Variants in CALN1 observed in about 807,000 individuals in gnomAD.
The protein encoded by CALN1 is calneuron 1, also known as calcium-binding protein 8.
Under a neutral mutation model 30.6 loss-of-function variants are expected in CALN1, and 17 were observed. The ratio of observed to expected loss-of-function variants is 0.56; its 90% CI spans 0.38 to 0.83. The LOEUF is 0.83. Ranked by LOEUF, CALN1 falls within the 40% of genes least tolerant of loss-of-function variation. CALN1 has a pLI of 0.00. For missense variants in CALN1, 291 were observed against 354.9 expected (o/e 0.82, Z 1.45); for synonymous variants, 156 against 131.4 (o/e 1.19, Z -1.28).
chr7:72,331,089 C>T (rs1278098812), intron 2 of CALN1, among the ~76,000 whole-genome samples: 3 of 152,288 alleles, frequency 2.0e-5, no homozygotes, highest in Admixed American at 6.5e-5. Flanking sequence ...GTGGCTCATA[C>T]CTGTAATCCC....
chr7:72,281,529 A>G (rs1489920502), intron 2 of CALN1, among the ~76,000 whole-genome samples: 1 of 152,090 alleles, frequency 6.6e-6, no homozygotes, highest in East Asian at 1.9e-4. Context: ...ACCTGCTCTG[A>G]TATTATCTAA....
At chr7:72,398,749 A>G (rs759103487) in intron 2 of CALN1, among the ~76,000 whole-genome samples, 27 of 152,240 alleles carry the variant, frequency 1.8e-4, no homozygotes, top group Non-Finnish European at 2.9e-5. Context: ...ATTATCCCAA[A>G]TACATACGCA....
chr7:72,098,005 C>T (rs534075221), intron 4 of CALN1, among the ~76,000 whole-genome samples: 2 of 152,298 alleles, frequency 1.3e-5, no homozygotes, highest in African/African-American at 4.8e-5. Flanking sequence ...TGAGCCACCA[C>T]GCCCGGCCTT....
At chr7:71,949,855 G>A (rs1584587523) in intron 5 of CALN1, among the ~76,000 whole-genome samples, 2 of 150,886 alleles carry the variant, frequency 1.3e-5, no homozygotes, top group South Asian at 2.1e-4. Flanking sequence ...TCCGCCTCCC[G>A]GGTTCACGCC....
At chr7:72,429,664 T>A (rs1214615567) in intron 1 of CALN1, among the ~76,000 whole-genome samples, 1 of 150,528 alleles carries the variant, frequency 6.6e-6, no homozygotes, top group Non-Finnish European at 1.5e-5. Context: ...CTTCATGATT[T>A]AACTCCCTTA....
At chr7:72,033,829 G>A (rs1562995162) in intron 4 of CALN1, among the ~76,000 whole-genome samples, 1 of 152,186 alleles carries the variant, frequency 6.6e-6, no homozygotes, top group African/African-American at 2.4e-5. Flanking sequence ...AGATCAATCT[G>A]GGGACAGTAT....
At chr7:72,205,225 TAG>T (rs962625028) in intron 3 of CALN1, among the ~76,000 whole-genome samples, 2 of 151,874 alleles carry the variant, frequency 1.3e-5, no homozygotes, top group African/African-American at 2.4e-5. Context: ...GTTTTTGAGA[TAG>T]AGTCTTGCTC....
At chr7:71,887,039 G>C (rs996750972) in intron 5 of CALN1, among the ~76,000 whole-genome samples, 1 of 152,142 alleles carries the variant, frequency 6.6e-6, no homozygotes, top group Non-Finnish European at 1.5e-5. Context: ...TTTGCTAAGG[G>C]AAAATTCTGA....
intron 2 of CALN1, among the ~76,000 whole-genome samples, chr7:72,310,472 A>T (rs1267197402): frequency 6.6e-6 from 1 of 151,490 alleles, no homozygotes. Context: ...GAACAAAAGG[A>T]ATCTTGGCTT....
At chr7:72,186,184 A>C (rs1289969136) in intron 3 of CALN1, among the ~76,000 whole-genome samples, 1 of 152,212 alleles carries the variant, frequency 6.6e-6, no homozygotes, top group Non-Finnish European at 1.5e-5. Flanking sequence ...GAAGGAATGC[A>C]GCCCTGCTGC....
intron 2 of CALN1, among the ~76,000 whole-genome samples, chr7:72,383,816 T>C (rs1388979148): frequency 6.6e-6 from 1 of 152,222 alleles, no homozygotes; most frequent in Non-Finnish European, 1.5e-5. Context: ...CATAGATGAG[T>C]TGGCCCTGTT....
chr7:72,023,619 C>G lies in CALN1; in HGVS notation c.501+38G>C, dbSNP rs781014892. 92 of 1,482,996 alleles carry G rather than the reference C, an allele frequency of 6.2e-5. 1 individual carries two copies. Among genetic ancestry groups the G allele is most frequent in the Middle Eastern group, 3.4e-4 (2 of 5,808 alleles). The allele number at this position is 1,482,996 out of a possible 1,614,324, so 91.9% of individuals were successfully genotyped here. A position where few individuals can be genotyped will look rare whatever the true frequency, so the allele number is the denominator to read the frequency against. The stretch of plus-strand genomic sequence containing the variant: ...CAAAAGTTAGTCTCAGACACATTTA[C>G]TGTCAAACTTAGTCTGAAAAAAAAT... On this transcript the variant is annotated intron_variant, in intron 5 of 6. Coordinates refer to ENST00000395275, the MANE Select transcript of CALN1 (RefSeq NM_031468.4).
chr7:72,485,180 A>G, the CALN1 span, among the ~76,000 whole-genome samples: 1 of 152,204 alleles, frequency 6.6e-6, no homozygotes, highest in Non-Finnish European at 1.5e-5. Context: ...GGTTGAGCCC[A>G]GGAGATTAAG....
chr7:72,394,354 T>C (rs992882736), intron 2 of CALN1, among the ~76,000 whole-genome samples: 4 of 152,180 alleles, frequency 2.6e-5, no homozygotes, highest in African/African-American at 9.7e-5. Context: ...GACCCAGATG[T>C]TTCACTTCTA....
At chr7:72,144,232 T>A (rs1441924556) in intron 3 of CALN1, among the ~76,000 whole-genome samples, 2 of 151,980 alleles carry the variant, frequency 1.3e-5, no homozygotes, top group Non-Finnish European at 2.9e-5. Flanking sequence ...AGGAAACCCA[T>A]CTCATGTGCA....
intron 5 of CALN1, among the ~76,000 whole-genome samples, chr7:71,936,701 C>A (rs1795852572): frequency 6.6e-6 from 1 of 152,090 alleles, no homozygotes; most frequent in Non-Finnish European, 1.5e-5. Context: ...TCAATTTGAT[C>A]CCCACTTCCA....
chr7:71,994,511 C>CAAAAAAAAAAAAAAAAAA (rs367725464), intron 5 of CALN1, among the ~76,000 whole-genome samples: 5 of 44,012 alleles, frequency 1.1e-4, no homozygotes, highest in African/African-American at 3.4e-4. Context: ...GACTTCATCT[C>CAAAAAAAAAAAAAAAAAA]AAAAAAAAAA....
At chr7:71,788,374 G>C (rs555111195) in intron 6 of CALN1, among the ~76,000 whole-genome samples, 2 of 152,046 alleles carry the variant, frequency 1.3e-5, no homozygotes, top group African/African-American at 4.8e-5. Context: ...ACGTTTTCTT[G>C]GGTTTTGCTA....
the CALN1 span, among the ~76,000 whole-genome samples, chr7:72,487,051 T>C: frequency 2.0e-5 from 3 of 152,170 alleles, no homozygotes; most frequent in Admixed American, 2.0e-4. Flanking sequence ...TATCTCTCCT[T>C]CCTCTTCTTT....
Sources: gnomAD v4.1 joint callset for allele counts (sites outside exome capture counted in the v4.1 genomes callset) on GRCh38, gnomAD v4.1.1 for gene constraint, MANE v1.5 for transcripts, NCBI Gene and HGNC (gene_info 2026-07-23, HGNC 2026-07-21) for gene names.